UCK2: variants seen among roughly 807,000 people sequenced by gnomAD.
UCK2 encodes the protein cytidine monophosphokinase 2.
Under a neutral mutation model 30.8 loss-of-function variants are expected in UCK2, and 6 were observed. That is an observed-to-expected ratio of 0.19 (90% CI 0.11 to 0.38). The LOEUF (loss-of-function observed/expected upper bound fraction) is 0.38. Among genes scored for constraint, UCK2 ranks in the 10% least tolerant of loss-of-function variants. The pLI is 1.00. For missense variants in UCK2, 210 were observed against 339.8 expected, an observed-to-expected ratio of 0.62 and a Z score of 3.00; for synonymous variants, 125 against 133.6, an observed-to-expected ratio of 0.94 and a Z score of 0.45.
At chr1:165,882,730 C>T (rs938396659) in intron 1 of UCK2, among the ~76,000 whole-genome samples, 6 of 152,200 alleles carry the variant, frequency 3.9e-5, no homozygotes, top group African/African-American at 9.7e-5. Context: ...CTCATCACCT[C>T]CTATAGGCCT....
intron 1 of UCK2, among the ~76,000 whole-genome samples, chr1:165,831,507 C>T: frequency 6.6e-6 from 1 of 152,224 alleles, no homozygotes; most frequent in Non-Finnish European, 1.5e-5. Flanking sequence ...TTTTAGGTGT[C>T]ATTCTGTTTC....
At chr1:165,841,477 C>T (rs776810873) in intron 1 of UCK2, among the ~76,000 whole-genome samples, 6 of 152,302 alleles carry the variant, frequency 3.9e-5, no homozygotes, top group East Asian at 3.9e-4. Context: ...TGAGCCACCG[C>T]GCCTGGCCTG....
chr1:165,881,407 T>G lies in UCK2; in HGVS notation c.100-8797T>G, dbSNP rs1166545228. 3.3e-5 allele frequency among the ~76,000 whole-genome samples: 5 copies of G among 152,314 alleles called. No individual in the cohort carries two copies. In the East Asian group the frequency reaches 7.7e-4, roughly 23 times the overall value. Reference sequence around the variant, plus strand: ...ATCTTGATCAATTTCACTGTAAGTTTGTTACTTGGCATGAGGGTAGAAATG... The same window carrying G: ...ATCTTGATCAATTTCACTGTAAGTTGGTTACTTGGCATGAGGGTAGAAATG... On this transcript the variant is annotated intron_variant, in intron 1 of 6. Coordinates refer to ENST00000367879, the MANE Select transcript of UCK2 (RefSeq NM_012474.5).
At chr1:165,890,762 A>G in intron 2 of UCK2, 1 of 250,020 alleles carries the variant, frequency 4.0e-6, no homozygotes, top group Non-Finnish European at 7.9e-6. Flanking sequence ...ATGGAGGGGC[A>G]GGGTGGCTGC....
At chr1:165,852,818 A>G (rs1222126056) in intron 1 of UCK2, among the ~76,000 whole-genome samples, 2 of 152,336 alleles carry the variant, frequency 1.3e-5, no homozygotes, top group Middle Eastern at 3.4e-3. Context: ...GTATGTGGAC[A>G]AACGGTGCAG....
intron 1 of UCK2, among the ~76,000 whole-genome samples, chr1:165,878,392 G>A (rs764565799): frequency 9.3e-5 from 14 of 151,218 alleles, no homozygotes; most frequent in Admixed American, 7.3e-4. Flanking sequence ...GTGCAATGGC[G>A]CAATCTCGGC....
chr1:165,887,778 C>CA (rs397687934), intron 1 of UCK2, among the ~76,000 whole-genome samples: 2 of 151,836 alleles, frequency 1.3e-5, no homozygotes, highest in African/African-American at 4.8e-5. Context: ...ATTTCCCCCC[C>CA]CACCCATCCA....
At chr1:165,903,019 G>T in intron 4 of UCK2, 163 bp from the exon 5 acceptor site, 1 of 500,946 alleles carries the variant, frequency 2.0e-6, no homozygotes. Flanking sequence ...TGTCTTTTCC[G>T]AAGCCGCTGC....
At chr1:165,896,073 G>T (rs1194417935) in intron 3 of UCK2, 117 bp from the exon 4 acceptor site, 2 of 1,338,196 alleles carry the variant, frequency 1.5e-6, no homozygotes, top group Non-Finnish European at 2.1e-6. Context: ...GCCCCCGCTT[G>T]AAGTCTGTGG....
At chr1:165,888,199 G>A (rs572354082) in intron 1 of UCK2, among the ~76,000 whole-genome samples, 15 of 152,242 alleles carry the variant, frequency 9.9e-5, no homozygotes, top group South Asian at 8.3e-4. Flanking sequence ...TGTTAAAATC[G>A]TTGATGAAAT....
chr1:165,859,408 C>G (rs568387307), intron 1 of UCK2, among the ~76,000 whole-genome samples: 1 of 152,196 alleles, frequency 6.6e-6, no homozygotes, highest in Non-Finnish European at 1.5e-5. Context: ...TAACTGAACC[C>G]CTTAACTGAA....
At chr1:165,892,607 T>G (rs1655798634) in intron 3 of UCK2, 1 of 152,296 alleles carries the variant, frequency 6.6e-6, no homozygotes, top group Non-Finnish European at 1.5e-5. Context: ...CAAGGGATTC[T>G]GAGAATTGTA....
At chr1:165,863,310 G>A (rs140731151) in intron 1 of UCK2, among the ~76,000 whole-genome samples, 73 of 152,342 alleles carry the variant, frequency 4.8e-4, no homozygotes, top group African/African-American at 1.7e-3. Context: ...TGTGAATGGC[G>A]TGAGGAAAAA....
intron 3 of UCK2, chr1:165,894,535 C>T (rs1444855734): frequency 2.0e-5 from 3 of 152,100 alleles, no homozygotes; most frequent in Admixed American, 1.3e-4. Flanking sequence ...GTTCTAGCTC[C>T]ACTTCAGACT....
intron 1 of UCK2, among the ~76,000 whole-genome samples, chr1:165,877,626 A>G (rs887246004): frequency 6.6e-6 from 1 of 152,216 alleles, no homozygotes. Context: ...GTAATAGTCC[A>G]TTGTATGGAT....
chr1:165,839,180 A>G (rs558282760), intron 1 of UCK2, among the ~76,000 whole-genome samples: 2 of 152,144 alleles, frequency 1.3e-5, no homozygotes, highest in Non-Finnish European at 2.9e-5. Context: ...TTGAGGTAAG[A>G]TATGCTTTTT....
At chr1:165,864,053 T>G (rs746013258) in intron 1 of UCK2, among the ~76,000 whole-genome samples, 14 of 142,286 alleles carry the variant, frequency 9.8e-5, no homozygotes, top group Admixed American at 3.5e-4. Flanking sequence ...GTTCAAGTGA[T>G]TCTTCTGCCT....
chr1:165,876,960 GATCTC>G (rs1655352968), intron 1 of UCK2, among the ~76,000 whole-genome samples: 1 of 152,154 alleles, frequency 6.6e-6, no homozygotes, highest in South Asian at 2.1e-4. Context: ...AATTCAGGAT[GATCTC>G]ATCTCAAGAT....
intron 1 of UCK2, among the ~76,000 whole-genome samples, chr1:165,865,343 CTG>C (rs1465283690): frequency 6.6e-6 from 1 of 152,164 alleles, no homozygotes; most frequent in African/African-American, 2.4e-5. Context: ...GTTGGTAGCA[CTG>C]TGAGTAGTTT....
Sources: gnomAD v4.1 joint callset for allele counts (sites outside exome capture counted in the v4.1 genomes callset) on GRCh38, gnomAD v4.1.1 for gene constraint, MANE v1.5 for transcripts, NCBI Gene and HGNC (gene_info 2026-07-23, HGNC 2026-07-21) for gene names.